ZNF516: variants seen among roughly 807,000 people sequenced by gnomAD.
ZNF516 encodes the protein zinc finger protein 516.
A neutral mutation model predicts 79.7 loss-of-function variants in ZNF516; 19 were observed. The ratio of observed to expected loss-of-function variants is 0.24; its 90% CI spans 0.17 to 0.35. The LOEUF (loss-of-function observed/expected upper bound fraction) is 0.35. ZNF516 is among the 10% of genes least tolerant of loss of function. ZNF516 has a pLI of 1.00. For missense variants in ZNF516, 1,678 were observed against 1,679.5 expected, an observed-to-expected ratio of 1.00 and a Z score of 0.02; for synonymous variants, 877 against 739.5, an observed-to-expected ratio of 1.19 and a Z score of -3.02.
At chr18:76,372,140 C>G (rs1404162479) in intron 4 of ZNF516, among the ~76,000 whole-genome samples, 1 of 152,250 alleles carries the variant, frequency 6.6e-6, no homozygotes, top group African/African-American at 2.4e-5. Flanking sequence ...GCAGCAGGCC[C>G]CCAAGGTGCG....
chr18:76,492,217 T>G (rs1477781031), intron 1 of ZNF516: 2 of 985,312 alleles, frequency 2.0e-6, no homozygotes, highest in African/African-American at 3.5e-5. Flanking sequence ...ACACCGCGTC[T>G]CCAACATTTA....
Position 76,362,332 on chromosome 18 carries a change from C to A in ZNF516, c.*166G>T. On this transcript the variant is annotated 3_prime_UTR_variant, in exon 7 of 7. Coordinates refer to ENST00000443185, the MANE Select transcript of ZNF516 (RefSeq NM_014643.4). ...TTTAACAAGGAGAGGCATCTGCCTT[C>A]AGTTTCCACTCCAGCGCAGCGGCTC... 2 of 566,150 alleles carry A rather than the reference C, an allele frequency of 3.5e-6. No individual in the cohort carries two copies. The highest frequency in any genetic ancestry group is 6.4e-6 in the Non-Finnish European group (2 of 311,788). 35.1% of individuals were successfully genotyped at this position (566,150 alleles called of 1,614,324 possible). A position where few individuals can be genotyped will look rare whatever the true frequency, so the allele number is the denominator to read the frequency against.
chr18:76,480,077 C>A (rs1403365726), intron 1 of ZNF516, among the ~76,000 whole-genome samples: 1 of 116,882 alleles, frequency 8.6e-6, no homozygotes, highest in African/African-American at 3.6e-5. Context: ...CTATGCCATC[C>A]TATAAGGCTG....
intron 3 of ZNF516, among the ~76,000 whole-genome samples, chr18:76,424,878 C>CA (rs551919790): frequency 5.1e-4 from 74 of 144,028 alleles, no homozygotes; most frequent in African/African-American, 1.9e-3. Context: ...TTCCATGAAA[C>CA]ACACATGCAG....
intron 1 of ZNF516, among the ~76,000 whole-genome samples, chr18:76,479,563 C>T (rs562345352): frequency 3.6e-4 from 55 of 152,318 alleles, no homozygotes; most frequent in Non-Finnish European, 6.3e-4. Context: ...CACAGGCGTT[C>T]GTAACGGGCC....
chr18:76,429,013 G>A (rs1175706939), intron 3 of ZNF516, among the ~76,000 whole-genome samples: 1 of 152,226 alleles, frequency 6.6e-6, no homozygotes, highest in Non-Finnish European at 1.5e-5. Context: ...GGGCAGGGAG[G>A]TCAGCACGAG....
chr18:76,479,357 C>T (rs1381156927), intron 1 of ZNF516, among the ~76,000 whole-genome samples: 1 of 152,244 alleles, frequency 6.6e-6, no homozygotes, highest in Admixed American at 6.5e-5. Context: ...TAAACTCAAT[C>T]CATCATGATT....
intron 3 of ZNF516, among the ~76,000 whole-genome samples, chr18:76,418,536 A>C (rs1414703582): frequency 2.0e-5 from 3 of 152,124 alleles, no homozygotes; most frequent in Non-Finnish European, 4.4e-5. Context: ...CACGCACTGT[A>C]ACACACACTA....
At chr18:76,433,006 G>A (rs2075682503) in intron 3 of ZNF516, among the ~76,000 whole-genome samples, 1 of 152,148 alleles carries the variant, frequency 6.6e-6, no homozygotes, top group Admixed American at 6.5e-5. Flanking sequence ...GCGAGACCTG[G>A]CCGCACATCC....
At chr18:76,410,948 T>C (rs1395868447) in intron 3 of ZNF516, among the ~76,000 whole-genome samples, 9 of 152,206 alleles carry the variant, frequency 5.9e-5, no homozygotes, top group Admixed American at 5.9e-4. Context: ...TTTCAATATA[T>C]CAATGAGAAG....
intron 3 of ZNF516, among the ~76,000 whole-genome samples, chr18:76,415,923 T>C (rs1478514843): frequency 6.6e-6 from 1 of 152,260 alleles, no homozygotes; most frequent in Non-Finnish European, 1.5e-5. Context: ...CTTGCTTCAG[T>C]TCCAACTACC....
chr18:76,440,738 GTGTT>G (rs779255893), intron 3 of ZNF516, among the ~76,000 whole-genome samples: 796 of 69,512 alleles, frequency 0.011, 4 homozygotes, highest in East Asian at 0.068. Context: ...GTGTGTGTGT[GTGTT>G]TGTGTGTGTG....
chr18:76,395,999 C>T (rs2075141334), intron 3 of ZNF516, among the ~76,000 whole-genome samples: 1 of 152,194 alleles, frequency 6.6e-6, no homozygotes, highest in African/African-American at 2.4e-5. Flanking sequence ...GAAGGTGATC[C>T]ACGTACAACC....
intron 1 of ZNF516, among the ~76,000 whole-genome samples, chr18:76,473,661 C>A (rs569330837): frequency 1.3e-5 from 2 of 151,844 alleles, no homozygotes; most frequent in Non-Finnish European, 2.9e-5. Flanking sequence ...ATTATCCAGG[C>A]TTGGTGGTGG....
At chr18:76,456,845 T>C (rs1912758818) in intron 2 of ZNF516, among the ~76,000 whole-genome samples, 1 of 152,236 alleles carries the variant, frequency 6.6e-6, no homozygotes, top group Non-Finnish European at 1.5e-5. Context: ...AAACATATAA[T>C]ACTGCTTTCA....
Position 76,441,333 on chromosome 18 carries a change from G to A in ZNF516, c.1722C>T (p.Ala574=), listed in dbSNP as rs956208375. Residue 574 remains alanine, a synonymous_variant, in exon 3 of 7, where the codon GCC becomes GCT. Coordinates refer to ENST00000443185, the MANE Select transcript of ZNF516 (RefSeq NM_014643.4). ...AGCCCGGGGAGTCAGCAGCGGCACA[G>A]GCGGAGCCAGGGCTGCTGGGCTGGG... ...SASQPSSPGS[A]CAAADSPGSG... The A allele has an allele frequency of 2.5e-6, 4 of 1,611,620 alleles. No homozygotes were observed. Among genetic ancestry groups the A allele is most frequent in the African/African-American group, 1.3e-5 (1 of 74,906 alleles).
chr18:76,491,174 C>T (rs1403754723), intron 1 of ZNF516: 9 of 919,330 alleles, frequency 9.8e-6, no homozygotes, highest in African/African-American at 1.8e-5. Flanking sequence ...TCCGCCGCGC[C>T]TCGGCCCCCG....
chr18:76,430,719 G>A (rs1406882011), intron 3 of ZNF516, among the ~76,000 whole-genome samples: 1 of 152,200 alleles, frequency 6.6e-6, no homozygotes, highest in African/African-American at 2.4e-5. Context: ...TATTAAATTT[G>A]GAAGAGAATT....
intron 1 of ZNF516, among the ~76,000 whole-genome samples, chr18:76,491,412 G>GC (rs1158335861): frequency 1.2e-5 from 1 of 86,554 alleles, no homozygotes; most frequent in African/African-American, 4.5e-5. Flanking sequence ...CCCCCCGCCC[G>GC]CCCCGCCCGC....
Sources: gnomAD v4.1 joint callset for allele counts (sites outside exome capture counted in the v4.1 genomes callset) on GRCh38, gnomAD v4.1.1 for gene constraint, MANE v1.5 for transcripts, NCBI Gene and HGNC (gene_info 2026-07-23, HGNC 2026-07-21) for gene names.